PALM2AKAP2: variants seen among roughly 807,000 people sequenced by gnomAD.
PALM2AKAP2 encodes the protein PALM2-AKAP2 fusion protein.
Under a neutral mutation model 71.5 loss-of-function variants are expected in PALM2AKAP2, and 37 were observed. That is an observed-to-expected ratio of 0.52 (90% confidence interval 0.40 to 0.68). The LOEUF (loss-of-function observed/expected upper bound fraction) is 0.68. Ranked by LOEUF, PALM2AKAP2 falls within the 30% of genes least tolerant of loss-of-function variation. The pLI is 0.00. For synonymous variants in PALM2AKAP2, 468 were observed against 478.8 expected, an observed-to-expected ratio of 0.98 and a Z score of 0.29; for missense variants, 1,224 against 1,191.8, an observed-to-expected ratio of 1.03 and a Z score of -0.40.
chr9:110,116,408 G>A (rs563658927), intron 1 of PALM2AKAP2, among the ~76,000 whole-genome samples: 46 of 152,234 alleles, frequency 3.0e-4, no homozygotes, highest in East Asian at 3.9e-4. Flanking sequence ...GTGCGTGTGC[G>A]TGTGCGCGTG....
intron 1 of PALM2AKAP2, among the ~76,000 whole-genome samples, chr9:110,091,289 T>TA (rs1403214484): frequency 1.3e-5 from 2 of 152,024 alleles, no homozygotes; most frequent in African/African-American, 4.8e-5. Context: ...AAGATTTTTT[T>TA]AAAAAACCCT....
upstream of PALM2AKAP2, among the ~76,000 whole-genome samples, chr9:110,048,396 T>C (rs1043674028): frequency 8.5e-5 from 13 of 152,076 alleles, no homozygotes; most frequent in African/African-American, 2.4e-4. Flanking sequence ...CAAGTATCCA[T>C]ATACCCAGAC....
chr9:109,967,665 C>T (rs907289342), intron 6 of PALM2AKAP2, among the ~76,000 whole-genome samples: 2 of 152,218 alleles, frequency 1.3e-5, no homozygotes, highest in East Asian at 3.8e-4. Flanking sequence ...CCGCCTTGGC[C>T]TCCCAAAGTG....
intron 1 of PALM2AKAP2, among the ~76,000 whole-genome samples, chr9:109,682,561 A>G (rs1827752291): frequency 6.6e-6 from 1 of 152,226 alleles, no homozygotes; most frequent in African/African-American, 2.4e-5. Context: ...AACCAAGGCC[A>G]TTTGACGACT....
intron 2 of PALM2AKAP2, among the ~76,000 whole-genome samples, chr9:109,877,933 T>G (rs558403503): frequency 3.3e-5 from 5 of 152,372 alleles, no homozygotes; most frequent in Non-Finnish European, 7.3e-5. Context: ...AATGAACAAT[T>G]TATTTTGTGC....
intron 1 of PALM2AKAP2, among the ~76,000 whole-genome samples, chr9:109,737,952 G>A (rs996840102): frequency 1.3e-5 from 2 of 152,210 alleles, no homozygotes; most frequent in Non-Finnish European, 2.9e-5. Flanking sequence ...AACCTGACTA[G>A]CATGGCTTTG....
At chr9:109,898,078 TATTTGTGG>T (rs1256212961) in intron 3 of PALM2AKAP2, among the ~76,000 whole-genome samples, 6 of 152,252 alleles carry the variant, frequency 3.9e-5, no homozygotes, top group Non-Finnish European at 5.9e-5. Context: ...CTATGAAATC[TATTTGTGG>T]ATTTCTCTCT....
chr9:110,062,879 G>C (rs1412645027), intron 1 of PALM2AKAP2, among the ~76,000 whole-genome samples: 1 of 152,088 alleles, frequency 6.6e-6, no homozygotes, highest in Admixed American at 6.5e-5. Flanking sequence ...AAATAAGATG[G>C]CTACAAGATG....
At chr9:110,131,582 G>C (rs1835736225) in intron 1 of PALM2AKAP2, among the ~76,000 whole-genome samples, 1 of 152,186 alleles carries the variant, frequency 6.6e-6, no homozygotes, top group Non-Finnish European at 1.5e-5. Flanking sequence ...ATCCGGATAG[G>C]TTAGATTTCC....
intron 3 of PALM2AKAP2, among the ~76,000 whole-genome samples, chr9:109,896,863 G>A (rs557956993): frequency 6.6e-6 from 1 of 152,250 alleles, no homozygotes; most frequent in Non-Finnish European, 1.5e-5. Flanking sequence ...TTATGCAGAT[G>A]CTTCTCAGGC....
chr9:109,644,127 C>A (rs1364157763), intron 1 of PALM2AKAP2, among the ~76,000 whole-genome samples: 1 of 152,190 alleles, frequency 6.6e-6, no homozygotes, highest in Non-Finnish European at 1.5e-5. Flanking sequence ...GCCCCATGTA[C>A]AACACTGGGG....
chr9:110,028,379 C>T lies in PALM2AKAP2; in HGVS notation c.582+12340C>T, dbSNP rs79133298. 7.2e-4 allele frequency among the ~76,000 whole-genome samples: 110 copies of T among 152,298 alleles called. 1 individual carries two copies. In the East Asian group the frequency reaches 0.019, roughly 27 times the overall value. On this transcript the variant is annotated intron_variant, in intron 7 of 9. Transcript: ENST00000302798. ...CTTCTTCTTTGCCGTTTTATTTCTT[C>T]GCTGTGTTCTCTTGCCAACAATAAT...
At chr9:110,136,927 C>A in exon 2 of PALM2AKAP2, 1 of 1,614,080 alleles carries the variant, frequency 6.2e-7, no homozygotes, top group Non-Finnish European at 8.5e-7. Context: ...GCAGCCAGGC[C>A]GTCAAGAAGA....
chr9:109,746,183 G>A (rs1828798321), intron 1 of PALM2AKAP2, among the ~76,000 whole-genome samples: 1 of 152,190 alleles, frequency 6.6e-6, no homozygotes, highest in Non-Finnish European at 1.5e-5. Flanking sequence ...CAGCCAGCAG[G>A]GAACAGATGA....
chr9:109,776,449 C>A (rs766071892), upstream of PALM2AKAP2, among the ~76,000 whole-genome samples: 3 of 152,188 alleles, frequency 2.0e-5, no homozygotes, highest in African/African-American at 7.2e-5. Flanking sequence ...AGAGATGGAA[C>A]GTCCAAAGAA....
chr9:109,795,615 G>A (rs1043036394), intron 1 of PALM2AKAP2, among the ~76,000 whole-genome samples: 2 of 152,214 alleles, frequency 1.3e-5, no homozygotes, highest in African/African-American at 2.4e-5. Flanking sequence ...TGCATTTTAG[G>A]TGTTGGAGAA....
chr9:110,100,538 T>C (rs1028925144), intron 1 of PALM2AKAP2, among the ~76,000 whole-genome samples: 4 of 152,096 alleles, frequency 2.6e-5, no homozygotes, highest in African/African-American at 9.7e-5. Context: ...GAAAGGCCAC[T>C]GGAAATGGAA....
intron 1 of PALM2AKAP2, among the ~76,000 whole-genome samples, chr9:110,114,826 C>T (rs1450527345): frequency 6.6e-6 from 1 of 152,190 alleles, no homozygotes; most frequent in Non-Finnish European, 1.5e-5. Context: ...TTTCCATAAT[C>T]AGTATTACTT....
Position 109,687,632 on chromosome 9 carries a change from C to G in PALM2AKAP2, c.5+46766C>G, listed in dbSNP as rs186068818. ...AAGGGAATGTTGTGGCTGGTTTGAC[C>G]ACTAAATCTTTCTTGATATCAGCAA... On this transcript the variant is annotated intron_variant, in intron 1 of 6. Transcript: ENST00000374531. Among the ~76,000 whole-genome samples, 7 of 152,270 alleles carry G rather than the reference C, an allele frequency of 4.6e-5. No homozygotes were observed. In the East Asian group the frequency reaches 1.3e-3, roughly 29 times the overall value.
Sources: gnomAD v4.1 joint callset for allele counts (sites outside exome capture counted in the v4.1 genomes callset) on GRCh38, gnomAD v4.1.1 for gene constraint, MANE v1.5 for transcripts, NCBI Gene and HGNC (gene_info 2026-07-23, HGNC 2026-07-21) for gene names.